The following FGFR2 variants were observed in gnomAD, a reference collection of about 807,000 sequenced individuals.
FGFR2 encodes fibroblast growth factor receptor 2, also known as BEK fibroblast growth factor receptor.
Under a neutral mutation model 95.9 loss-of-function variants are expected in FGFR2, and 19 were observed. The observed-to-expected ratio is 0.20, with a 90% CI of 0.14 to 0.29. The LOEUF is 0.29. Ranked by LOEUF, FGFR2 falls within the 10% of genes least tolerant of loss-of-function variation. The probability of loss-of-function intolerance (pLI) is 1.00; values close to 1 mark genes in which losing one functional copy is unlikely to be tolerated. For missense variants in FGFR2, 707 were observed against 1,056.9 expected (o/e 0.67, Z 4.59); for synonymous variants, 392 against 393.3 (o/e 1.00, Z 0.04).
At position 121,517,307 on chromosome 10, in the gene FGFR2, A is replaced by G. The variant is rs1490400563; in HGVS notation, c.1084+12T>C. 6.2e-7 allele frequency: 1 copy of G among 1,614,040 alleles called. No homozygotes were observed. Among genetic ancestry groups the G allele is most frequent in the Non-Finnish European group, 8.5e-7 (1 of 1,179,986 alleles). On this transcript the variant is annotated intron_variant, in intron 8 of 17. Coordinates refer to ENST00000358487, the MANE Select transcript of FGFR2 (RefSeq NM_000141.5). This position sits in a 1 kb window ranked among gnomAD's most constrained non-coding sequence, Gnocchi z 4.7. ...AAGGGAAAAAAACCCAGAGAGAAAG[A>G]ACAGTATATACCTGGCAGAACTGTC...
At chr10:121,524,811 T>A (rs1032790730) in intron 6 of FGFR2, among the ~76,000 whole-genome samples, 1 of 152,250 alleles carries the variant, frequency 6.6e-6, no homozygotes. Flanking sequence ...CCCAAAGAGC[T>A]CATGTGTTCT....
intron 6 of FGFR2, among the ~76,000 whole-genome samples, chr10:121,521,729 T>C (rs930406576): frequency 4.0e-5 from 6 of 151,036 alleles, no homozygotes; most frequent in African/African-American, 1.5e-4. Context: ...TATAAAATGA[T>C]GCAGCCACCA....
intron 4 of FGFR2, among the ~76,000 whole-genome samples, chr10:121,552,100 G>A (rs952299178): frequency 4.6e-5 from 7 of 151,738 alleles, no homozygotes; most frequent in African/African-American, 1.5e-4. Context: ...TGGTGGTTAT[G>A]AATGCCATAA....
At chr10:121,588,672 C>T (rs1170072300) in intron 2 of FGFR2, among the ~76,000 whole-genome samples, 1 of 144,450 alleles carries the variant, frequency 6.9e-6, no homozygotes, top group Non-Finnish European at 1.5e-5. Context: ...ACTTGTAATC[C>T]CAGCACTTTG....
chr10:121,558,808 C>T (rs983947108), intron 4 of FGFR2, among the ~76,000 whole-genome samples: 1 of 151,824 alleles, frequency 6.6e-6, no homozygotes, highest in African/African-American at 2.4e-5. Context: ...AGGCTGGTCT[C>T]GAACTCCTGA....
intron 2 of FGFR2, among the ~76,000 whole-genome samples, chr10:121,567,801 T>G (rs1413626248): frequency 6.6e-6 from 1 of 152,252 alleles, no homozygotes; most frequent in Non-Finnish European, 1.5e-5. Context: ...GCTGCTTTTG[T>G]GTGTTACAAG....
chr10:121,596,291 A>T (rs1863420718), intron 1 of FGFR2, among the ~76,000 whole-genome samples: 1 of 152,142 alleles, frequency 6.6e-6, no homozygotes, highest in South Asian at 2.1e-4. Flanking sequence ...AGACAGGCAG[A>T]GTGACAAGCA....
intron 6 of FGFR2, among the ~76,000 whole-genome samples, chr10:121,522,192 G>A (rs1362690075): frequency 6.6e-6 from 1 of 152,218 alleles, no homozygotes; most frequent in African/African-American, 2.4e-5. Context: ...AGCAAGATGA[G>A]CAAACTCTAG....
intron 13 of FGFR2, among the ~76,000 whole-genome samples, chr10:121,488,580 G>A (rs532417261): frequency 2.6e-5 from 4 of 151,322 alleles, no homozygotes; most frequent in South Asian, 4.2e-4. Flanking sequence ...AAAAGAAAAC[G>A]CAGTGTGGCT....
chr10:121,536,789 C>T (rs951339496), intron 6 of FGFR2, among the ~76,000 whole-genome samples: 2 of 152,198 alleles, frequency 1.3e-5, no homozygotes, highest in Non-Finnish European at 2.9e-5. Context: ...GGCCCCAGCC[C>T]AGCCTAATGA....
At chr10:121,505,547 G>C (rs1564891933) in intron 9 of FGFR2, among the ~76,000 whole-genome samples, 1 of 152,156 alleles carries the variant, frequency 6.6e-6, no homozygotes, top group East Asian at 1.9e-4. Flanking sequence ...CAAGTGTCTG[G>C]GTTGCACAAG....
At chr10:121,573,497 A>G (rs1472001291) in intron 2 of FGFR2, among the ~76,000 whole-genome samples, 2 of 152,116 alleles carry the variant, frequency 1.3e-5, no homozygotes, top group Non-Finnish European at 2.9e-5. Context: ...GAAGAAAGAG[A>G]GAAAGAAATC....
chr10:121,570,906 A>C (rs1858557963), intron 2 of FGFR2, among the ~76,000 whole-genome samples: 1 of 152,238 alleles, frequency 6.6e-6, no homozygotes, highest in Admixed American at 6.5e-5. Flanking sequence ...CTGCTGCATA[A>C]AGCTCAGTTG....
At chr10:121,546,766 G>T (rs1317267845) in intron 5 of FGFR2, among the ~76,000 whole-genome samples, 1 of 152,142 alleles carries the variant, frequency 6.6e-6, no homozygotes, top group Non-Finnish European at 1.5e-5. Context: ...GAATGAGATG[G>T]ACAGGCCACC....
chr10:121,590,301 T>A (rs746970338), intron 2 of FGFR2, among the ~76,000 whole-genome samples: 6 of 152,194 alleles, frequency 3.9e-5, no homozygotes, highest in Middle Eastern at 3.2e-3. Flanking sequence ...ATGACTTAAT[T>A]AACCAGAGTA....
intron 2 of FGFR2, among the ~76,000 whole-genome samples, chr10:121,593,303 A>G (rs1862941963): frequency 6.6e-6 from 1 of 152,216 alleles, no homozygotes; most frequent in Non-Finnish European, 1.5e-5. Flanking sequence ...AGATGTTGGC[A>G]ATTTCTTTTA....
At chr10:121,535,381 A>C (rs1852681651) in intron 6 of FGFR2, among the ~76,000 whole-genome samples, 1 of 152,232 alleles carries the variant, frequency 6.6e-6, no homozygotes, top group South Asian at 2.1e-4. Flanking sequence ...AAGCTAAATA[A>C]TTTGTCCCAA....
Position 121,593,912 on chromosome 10 carries a change from G to A in FGFR2, c.-95C>T, listed in dbSNP as rs1324556340. ...TCTACGGGCATGGACTACGCGCAAT[G>A]CCTTCAGCCTGCGGTGGGCTCAGGA... On this transcript the variant is annotated 5_prime_UTR_variant, in exon 2 of 18. Coordinates refer to ENST00000358487, the MANE Select transcript of FGFR2 (RefSeq NM_000141.5). 6.1e-5 allele frequency: 71 copies of A among 1,156,660 alleles called. No homozygotes were observed. The Admixed American group carries it at 1.3e-3, about 21-fold the overall frequency. 71.6% of individuals were successfully genotyped at this position (1,156,660 alleles called of 1,614,324 possible). A position where few individuals can be genotyped will look rare whatever the true frequency, so the allele number is the denominator to read the frequency against.
intron 2 of FGFR2, among the ~76,000 whole-genome samples, chr10:121,571,143 C>T (rs976855480): frequency 7.4e-5 from 11 of 149,296 alleles, no homozygotes; most frequent in Non-Finnish European, 1.0e-4. Context: ...AGCCTGCCAC[C>T]ACACCTGGCT....
Sources: gnomAD v4.1 joint callset for allele counts (sites outside exome capture counted in the v4.1 genomes callset) on GRCh38, gnomAD v4.1.1 for gene constraint, Gnocchi (gnomAD v3.1) non-coding constraint, MANE v1.5 for transcripts, NCBI Gene and HGNC (gene_info 2026-07-23, HGNC 2026-07-21) for gene names.